The following GNA14 variants were observed in gnomAD, a reference collection of about 807,000 sequenced individuals.
The protein encoded by GNA14 is guanine nucleotide-binding protein subunit alpha-14.
A neutral mutation model predicts 42.0 loss-of-function variants in GNA14; 50 were observed. The observed-to-expected ratio is 1.19, with a 90% CI of 0.95 to 1.51. GNA14 has a LOEUF of 1.51. GNA14 is among the 40% of genes most tolerant of loss of function. GNA14 has a pLI of 0.00. For missense variants in GNA14, 473 were observed against 446.2 expected (o/e 1.06, Z -0.54); for synonymous variants, 173 against 163.1 (o/e 1.06, Z -0.46).
intron 1 of GNA14, among the ~76,000 whole-genome samples, chr9:77,576,757 G>C (rs1587835900): frequency 6.6e-6 from 1 of 150,636 alleles, no homozygotes; most frequent in South Asian, 2.1e-4. Context: ...GATTCATCCA[G>C]CAATGACTTG....
chr9:77,573,415 C>T lies in GNA14; in HGVS notation c.125-44162G>A, dbSNP rs947825870. ...AGTGAGCCGAGACTGCACCACTGCACTCCAGCCTGGGCAACAAAGTGACAT... is the reference window on the plus strand; with the variant it reads ...AGTGAGCCGAGACTGCACCACTGCATTCCAGCCTGGGCAACAAAGTGACAT... On this transcript the variant is annotated intron_variant, in intron 1 of 6. Transcript: ENST00000341700. Among the ~76,000 whole-genome samples, 5 of 152,044 alleles carry T rather than the reference C, an allele frequency of 3.3e-5. No individual in the cohort carries two copies. In the East Asian group the frequency reaches 9.7e-4, roughly 29 times the overall value.
rs900025135 is a variant in GNA14, at chr9:77,540,706, CTCT to C, written c.125-11456_125-11454del. ...GTTATTTCCTCTTGCTGGATTGATC[CTCT>C]TATTATTACACACTGACATTTTTTG... On this transcript the variant is annotated intron_variant, in intron 1 of 6. Coordinates refer to ENST00000341700, the MANE Select transcript of GNA14 (RefSeq NM_004297.4). Among the ~76,000 whole-genome samples the C allele has an allele frequency of 7.2e-5, 11 of 152,132 alleles. No individual in the cohort carries two copies. The South Asian group carries it at 8.3e-4, about 11-fold the overall frequency.
chr9:77,626,908 G>C (rs985609948), intron 1 of GNA14, among the ~76,000 whole-genome samples: 1 of 152,086 alleles, frequency 6.6e-6, no homozygotes, highest in African/African-American at 2.4e-5. Context: ...AGAAGATAGA[G>C]ACACGAACAA....
chr9:77,506,582 CAGG>C (rs1398989750), intron 2 of GNA14, among the ~76,000 whole-genome samples: 1 of 151,934 alleles, frequency 6.6e-6, no homozygotes, highest in Non-Finnish European at 1.5e-5. Context: ...GAGGCTGAAG[CAGG>C]AGAACTGCTT....
At chr9:77,443,775 A>C (rs1835771908) in intron 2 of GNA14, among the ~76,000 whole-genome samples, 1 of 152,186 alleles carries the variant, frequency 6.6e-6, no homozygotes, top group Non-Finnish European at 1.5e-5. Flanking sequence ...GAAGTTCGAG[A>C]CCAGCGTAGG....
rs575094374 is a variant in GNA14 at position 77,565,571 on chromosome 9, C to T, written c.125-36318G>A. On this transcript the variant is annotated intron_variant, in intron 1 of 6. Coordinates refer to ENST00000341700, the MANE Select transcript of GNA14 (RefSeq NM_004297.4). ...CTCCTGGGTTCAAGTGATTCTTGTG[C>T]CTCAGCCTCCCAAGTAGCTGGGATT... is the stretch of plus-strand genomic sequence containing the variant. 7.2e-5 allele frequency among the ~76,000 whole-genome samples: 11 copies of T among 152,226 alleles called. No homozygotes were observed. The South Asian group carries it at 2.3e-3, about 32-fold the overall frequency.
At chr9:77,534,891 G>A (rs1163388977) in intron 1 of GNA14, among the ~76,000 whole-genome samples, 1 of 152,172 alleles carries the variant, frequency 6.6e-6, no homozygotes, top group African/African-American at 2.4e-5. Context: ...AAAGCAACAA[G>A]GAGGTGGATT....
intron 1 of GNA14, among the ~76,000 whole-genome samples, chr9:77,597,243 C>G (rs1390184307): frequency 1.3e-5 from 2 of 152,194 alleles, no homozygotes; most frequent in African/African-American, 2.4e-5. Context: ...CAGGACCTAA[C>G]TTGACCCATC....
chr9:77,539,310 A>G (rs1837632409), intron 1 of GNA14, among the ~76,000 whole-genome samples: 1 of 152,306 alleles, frequency 6.6e-6, no homozygotes, highest in East Asian at 1.9e-4. Context: ...TATCACGTTT[A>G]TTGATTTGCA....
At chr9:77,507,651 C>G (rs1837093241) in intron 2 of GNA14, among the ~76,000 whole-genome samples, 1 of 152,100 alleles carries the variant, frequency 6.6e-6, no homozygotes, top group African/African-American at 2.4e-5. Context: ...ATCAGAAAAA[C>G]AGCCGTTTGT....
At chr9:77,506,407 A>G (rs1330754203) in intron 2 of GNA14, among the ~76,000 whole-genome samples, 1 of 151,882 alleles carries the variant, frequency 6.6e-6, no homozygotes, top group African/African-American at 2.4e-5. Flanking sequence ...GGCCGGGCGC[A>G]GTGGCTCATG....
At chr9:77,476,122 G>T (rs1050318117) in intron 2 of GNA14, among the ~76,000 whole-genome samples, 14 of 152,208 alleles carry the variant, frequency 9.2e-5, no homozygotes, top group African/African-American at 3.4e-4. Flanking sequence ...GCTTAGATGG[G>T]TTTAAACAGG....
intron 1 of GNA14, among the ~76,000 whole-genome samples, chr9:77,584,949 C>T (rs1419791488): frequency 6.6e-6 from 1 of 152,050 alleles, no homozygotes; most frequent in Non-Finnish European, 1.5e-5. Context: ...TCATGGCTAT[C>T]TTGGTTTTGG....
chr9:77,488,315 G>GT (rs1394050450), intron 2 of GNA14, among the ~76,000 whole-genome samples: 4 of 152,184 alleles, frequency 2.6e-5, no homozygotes, highest in Non-Finnish European at 5.9e-5. Flanking sequence ...ACTGGAAAGA[G>GT]TAAAATCAAG....
At chr9:77,629,334 G>T (rs755634134) in intron 1 of GNA14, among the ~76,000 whole-genome samples, 9 of 152,240 alleles carry the variant, frequency 5.9e-5, no homozygotes, top group Admixed American at 1.3e-4. Flanking sequence ...CTCCTCAAGG[G>T]TCTAAAACCA....
intron 2 of GNA14, among the ~76,000 whole-genome samples, chr9:77,457,094 C>G (rs1365992053): frequency 6.6e-6 from 1 of 152,208 alleles, no homozygotes; most frequent in Non-Finnish European, 1.5e-5. Flanking sequence ...TTATACCTAA[C>G]ACTTACAAAG....
chr9:77,593,202 G>T (rs1239488365), intron 1 of GNA14, among the ~76,000 whole-genome samples: 1 of 152,156 alleles, frequency 6.6e-6, no homozygotes, highest in Non-Finnish European at 1.5e-5. Flanking sequence ...TTTGTTCTGT[G>T]TGTTGTCAGA....
intron 1 of GNA14, among the ~76,000 whole-genome samples, chr9:77,576,683 T>A (rs530314067): frequency 1.3e-5 from 2 of 152,302 alleles, no homozygotes; most frequent in Admixed American, 6.5e-5. Context: ...CAGTAATTTA[T>A]TATTTTAGGT....
chr9:77,507,105 C>T (rs1160047647), intron 2 of GNA14, among the ~76,000 whole-genome samples: 2 of 152,202 alleles, frequency 1.3e-5, no homozygotes, highest in Non-Finnish European at 2.9e-5. Flanking sequence ...TCTAGTCACA[C>T]AGCTAGTAAG....
Sources: allele counts gnomAD v4.1 joint callset (sites outside exome capture counted in the v4.1 genomes callset), GRCh38; gene constraint gnomAD v4.1.1; transcripts MANE v1.5; gene names NCBI Gene and HGNC (gene_info 2026-07-23, HGNC 2026-07-21).